COL9A2: variants seen among roughly 807,000 people sequenced by gnomAD.
COL9A2 encodes the protein collagen alpha-2(IX) chain.
In COL9A2, 66 loss-of-function variants were observed where a neutral mutation model predicts 111.6. The observed-to-expected ratio is 0.59, with a 90% CI of 0.48 to 0.73. The LOEUF is 0.73. COL9A2 is among the 30% of genes least tolerant of loss of function. COL9A2 has a pLI of 0.00. For missense variants in COL9A2, 881 were observed against 954.1 expected (o/e 0.92, Z 1.01); for synonymous variants, 353 against 364.1 (o/e 0.97, Z 0.35).
At position 40,310,867 on chromosome 1, in the gene COL9A2, G is replaced by C. The variant is rs1267910057; in HGVS notation, c.631-100C>G. ...CTCTTTTCCCCAGCACAAGCAGACG[G>C]GAGGGACTACTACGAACCCTACAGT... On this transcript the variant is annotated intron_variant, in intron 12 of 31. Transcript: ENST00000372748. This position sits in a 1 kb window ranked among gnomAD's most constrained non-coding sequence, Gnocchi z 4.9. 8.9e-7 allele frequency: 1 copy of C among 1,124,170 alleles called. No individual in the cohort carries two copies. The highest frequency in any genetic ancestry group is 1.5e-5 in the African/African-American group (1 of 64,710). 69.6% of individuals were successfully genotyped at this position (1,124,170 alleles called of 1,614,324 possible).
chr1:40,301,716 G>T, intron 31 of COL9A2, 96 bp downstream of exon 31: 2 of 1,199,654 alleles, frequency 1.7e-6, no homozygotes, highest in South Asian at 1.3e-5. Flanking sequence ...TGAGCTGGCT[G>T]AGCGTGAGGC....
Position 40,310,866 on chromosome 1 carries a change from G to C in COL9A2, c.631-99C>G, listed in dbSNP as rs1472828418. 8.9e-7 allele frequency: 1 copy of C among 1,120,616 alleles called. No individual in the cohort carries two copies. Among genetic ancestry groups the C allele is most frequent in the Non-Finnish European group, 1.3e-6 (1 of 756,778 alleles). The allele number at this position is 1,120,616 out of a possible 1,614,324, so 69.4% of individuals were successfully genotyped here. On this transcript the variant is annotated intron_variant, in intron 12 of 31. Transcript: ENST00000372748. The surrounding 1 kb of genome is among the most constrained non-coding windows in gnomAD (Gnocchi z 4.9). ...CCTCTTTTCCCCAGCACAAGCAGACGGGAGGGACTACTACGAACCCTACAG... is the reference window on the plus strand; with the variant it reads ...CCTCTTTTCCCCAGCACAAGCAGACCGGAGGGACTACTACGAACCCTACAG...
rs993802046 is a variant in COL9A2, at chr1:40,314,036, G to A, written c.249+169C>T. Among the ~76,000 whole-genome samples the A allele has an allele frequency of 6.6e-6, 1 of 152,210 alleles. No homozygotes were observed. The highest frequency in any genetic ancestry group is 1.5e-5 in the Non-Finnish European group (1 of 68,038). The stretch of plus-strand genomic sequence containing the variant: ...TGCAAATCAATGACCCTGGGTGAGA[G>A]TGAGGTTCCAGGAAGGTCACAAGTC... On this transcript the variant is annotated intron_variant, in intron 4 of 31. Transcript: ENST00000372748. This position sits in a 1 kb window ranked among gnomAD's most constrained non-coding sequence, Gnocchi z 4.1.
chr1:40,305,878 G>A, intron 20 of COL9A2, 110 bp from the exon 21 acceptor site: 1 of 981,524 alleles, frequency 1.0e-6, no homozygotes, highest in Non-Finnish European at 1.6e-6. Flanking sequence ...GCTGGGACGG[G>A]GGAGAGGGTA....
In COL9A2 at chr1:40,310,346, G is replaced by T; in HGVS notation, c.685-29C>A. On this transcript the variant is annotated intron_variant, in intron 13 of 31. Transcript: ENST00000372748. The surrounding 1 kb of genome is among the most constrained non-coding windows in gnomAD (Gnocchi z 4.9). ...TTGAGAAAGAAAAATGACAGCAATGGCAATTGCAAGGCCCACTTCATGATA... is the reference window on the plus strand; with the variant it reads ...TTGAGAAAGAAAAATGACAGCAATGTCAATTGCAAGGCCCACTTCATGATA... The T allele has an allele frequency of 6.2e-7, 1 of 1,610,984 alleles. No individual in the cohort carries two copies. Among genetic ancestry groups the T allele is most frequent in the Non-Finnish European group, 8.5e-7 (1 of 1,177,562 alleles).
At position 40,311,703 on chromosome 1, in the gene COL9A2, G is replaced by T. The variant is rs1395642584; in HGVS notation, c.430C>A (p.Pro144Thr). The T allele has an allele frequency of 6.2e-7, 1 of 1,613,940 alleles. No individual in the cohort carries two copies. Reference protein sequence around the residue: ...GIRGPKGDPGPDGPSGPPGPP... With the variant: ...GIRGPKGDPGTDGPSGPPGPP... ...CCTGGGGGCCCCGATGGTCCATCTG[G>T]TCCAGGGTCCCCCTGGAAGCAAAAG... The change falls in exon 9 of 32, where the codon CCA (proline) becomes ACA (threonine). Residue 144 changes from proline to threonine, a missense_variant. Coordinates refer to ENST00000372748, the MANE Select transcript of COL9A2 (RefSeq NM_001852.4). This position sits in a 1 kb window ranked among gnomAD's most constrained non-coding sequence, Gnocchi z 5.1.
Position 40,305,758 on chromosome 1 carries a change from C to A in COL9A2, c.1064G>T (p.Gly355Val), listed in dbSNP as rs763541825. 5.0e-6 allele frequency: 8 copies of A among 1,614,130 alleles called. No individual in the cohort carries two copies. The highest frequency in any genetic ancestry group is 6.8e-6 in the Non-Finnish European group (8 of 1,180,016). The change falls in exon 21 of 32, where the codon GGC becomes GTC. Residue 355 changes from glycine to valine, a missense_variant. By Grantham distance (109) the Gly-to-Val change is moderately radical. Transcript: ENST00000372748. ...AGAGAATCCAGGAAGGCCCTGCGGG[C>A]CCGGCTCACCCTGCAGGAAAACAGT... Reference protein sequence around the residue: ...KGGPGDQGEPGPQGLPGFSGP... With the variant: ...KGGPGDQGEPVPQGLPGFSGP...
In COL9A2 at chr1:40,307,056, G is replaced by A. The variant is rs1042615076; in HGVS notation, c.1008+390C>T. On this transcript the variant is annotated intron_variant, in intron 19 of 31. Coordinates refer to ENST00000372748, the MANE Select transcript of COL9A2 (RefSeq NM_001852.4). The surrounding 1 kb of genome is among the most constrained non-coding windows in gnomAD (Gnocchi z 4.8). ...GACGGGGTGTCACCACATTGGCCAGGCTGGTTTTGAACTCCTGACCTCAAG... is the reference window on the plus strand; with the variant it reads ...GACGGGGTGTCACCACATTGGCCAGACTGGTTTTGAACTCCTGACCTCAAG... 6.6e-6 allele frequency among the ~76,000 whole-genome samples: 1 copy of A among 152,082 alleles called. No individual in the cohort carries two copies. Among genetic ancestry groups the A allele is most frequent in the Admixed American group, 6.5e-5 (1 of 15,282 alleles).
intron 21 of COL9A2, 49 bp downstream of exon 21, chr1:40,305,666 G>C (rs1290450018): frequency 6.4e-7 from 1 of 1,562,796 alleles, no homozygotes; most frequent in South Asian, 1.1e-5. Context: ...TCCACCCCAT[G>C]GCCTCACCCT....
rs2124041249 is a variant in COL9A2 at position 40,302,785 on chromosome 1, C to T, written c.1628G>A (p.Ser543Asn). Reference sequence around the variant, plus strand: ...CGCACCCAGGGCTTCCCGCTTGGCACTCACGGCGACCTCTGCCAGTTGCTC... The same window carrying T: ...CGCACCCAGGGCTTCCCGCTTGGCATTCACGGCGACCTCTGCCAGTTGCTC... Reference protein sequence around the residue: ...LQEQLAEVAVSAKREALGAVG... With the variant: ...LQEQLAEVAVNAKREALGAVG... Residue 543 changes from serine to asparagine, a missense_variant, in exon 30 of 32, where the codon AGT becomes AAT. Transcript: ENST00000372748. This position sits in a 1 kb window ranked among gnomAD's most constrained non-coding sequence, Gnocchi z 4.5. The T allele has an allele frequency of 4.6e-6, 7 of 1,522,738 alleles. No homozygotes were observed. Among genetic ancestry groups the T allele is most frequent in the Non-Finnish European group, 4.4e-6 (5 of 1,129,778 alleles). The allele number at this position is 1,522,738 out of a possible 1,614,324, so 94.3% of individuals were successfully genotyped here.
chr1:40,308,244 C>T lies in COL9A2; in HGVS notation c.848G>A (p.Gly283Asp), dbSNP rs2124074821. The T allele has an allele frequency of 6.2e-7, 1 of 1,613,880 alleles. No individual in the cohort carries two copies. The highest frequency in any genetic ancestry group is 8.5e-7 in the Non-Finnish European group (1 of 1,179,916). ...PGRAGEKGDE[G>D]SPGIRGPQGI... ...CTGGGGTCCACGAATACCTGGGCTG[C>T]CCTGCAAAGCGGAGAGAGATCAGGT... The change falls in exon 17 of 32, where the codon GGC becomes GAC. Residue 283 changes from glycine to aspartate, a missense_variant and splice_region_variant. Physicochemically the swap from Gly to Asp is moderately conservative, Grantham distance 94. Coordinates refer to ENST00000372748, the MANE Select transcript of COL9A2 (RefSeq NM_001852.4).
chr1:40,305,876 G>A (rs772029994), intron 20 of COL9A2, 108 bp from the exon 21 acceptor site: 52 of 980,170 alleles, frequency 5.3e-5, no homozygotes, highest in African/African-American at 6.4e-5. Flanking sequence ...GAGCTGGGAC[G>A]GGGGAGAGGG....
rs1302665281 is a variant in COL9A2 at position 40,314,041 on chromosome 1, G to C, written c.249+164C>G. On this transcript the variant is annotated intron_variant, in intron 4 of 31. Coordinates refer to ENST00000372748, the MANE Select transcript of COL9A2 (RefSeq NM_001852.4). This position sits in a 1 kb window ranked among gnomAD's most constrained non-coding sequence, Gnocchi z 4.1. ...ATCAATGACCCTGGGTGAGAGTGAG[G>C]TTCCAGGAAGGTCACAAGTCATATC... Among the ~76,000 whole-genome samples, 9 of 152,180 alleles carry C rather than the reference G, an allele frequency of 5.9e-5. No individual in the cohort carries two copies. The highest frequency in any genetic ancestry group is 4.6e-4 in the Admixed American group (7 of 15,284).
Position 40,300,956 on chromosome 1 carries a change from C to G in COL9A2, c.*226G>C. On this transcript the variant is annotated 3_prime_UTR_variant, in exon 32 of 32. Transcript: ENST00000372748. This position sits in a 1 kb window ranked among gnomAD's most constrained non-coding sequence, Gnocchi z 4.4. ...GCCCTATTCCTTCAGCGCTTCGACT[C>G]CATCGACACCACTTGCCCTGTGTGT... 1.8e-6 allele frequency: 1 copy of G among 552,782 alleles called. No individual in the cohort carries two copies. The highest frequency in any genetic ancestry group is 3.2e-6 in the Non-Finnish European group (1 of 308,732). 34.2% of individuals were successfully genotyped at this position (552,782 alleles called of 1,614,324 possible). A position where few individuals can be genotyped will look rare whatever the true frequency, so the allele number is the denominator to read the frequency against.
Position 40,301,817 on chromosome 1 carries a change from A to T in COL9A2, c.1865T>A (p.Ile622Asn). The T allele has an allele frequency of 6.2e-7, 1 of 1,614,062 alleles. No homozygotes were observed. The highest frequency in any genetic ancestry group is 2.2e-5 in the East Asian group (1 of 44,876). ...GGGCAGGGCCAATGGCTTACCTGGG[A>T]TCCCTGGGGGCCCAGGCATCCCGGG... ...GHPGMPGPPG[I>N]PGLPGRPGQA... Residue 622 changes from isoleucine (I) to asparagine (N), a missense_variant, in exon 31 of 32, where the codon ATC becomes AAC. Physicochemically the swap from Ile to Asn is moderately radical, Grantham distance 149. Coordinates refer to ENST00000372748, the MANE Select transcript of COL9A2 (RefSeq NM_001852.4).
chr1:40,304,098 C>A lies in COL9A2; in HGVS notation c.1289G>T (p.Gly430Val), dbSNP rs771050195. The A allele has an allele frequency of 1.3e-6, 2 of 1,561,708 alleles. No individual in the cohort carries two copies. Among genetic ancestry groups the A allele is most frequent in the African/African-American group, 1.3e-5 (1 of 74,182 alleles). ...GCGGGGCCCGGTCTTCCCTGGGGAG[C>A]CCTGGAGAAAGCGGGCAGTGAGGGG... ...QGLPGVKGDK[G>V]SPGKTGPRGK... The change falls in exon 25 of 32, where the codon GGC becomes GTC. Residue 430 changes from glycine to valine, a missense_variant and splice_region_variant. Physicochemically the swap from Gly to Val is moderately radical, Grantham distance 109. Coordinates refer to ENST00000372748, the MANE Select transcript of COL9A2 (RefSeq NM_001852.4).
At chr1:40,301,509 A>T in intron 31 of COL9A2, 128 bp from the exon 32 acceptor site, 1 of 783,354 alleles carries the variant, frequency 1.3e-6, no homozygotes, top group Non-Finnish European at 2.0e-6. Context: ...ACTCTGCCCC[A>T]GAGGCAGAGA....
rs868251769 is a variant in COL9A2, at chr1:40,311,719, G to A, written c.418-4C>T. ...GTCCATCTGGTCCAGGGTCCCCCTG[G>A]AAGCAAAAGAAGCCCAAATCATACC... On this transcript the variant is annotated splice_polypyrimidine_tract_variant and splice_region_variant and intron_variant, in intron 8 of 31. Transcript: ENST00000372748. The surrounding 1 kb of genome is among the most constrained non-coding windows in gnomAD (Gnocchi z 5.1). The A allele has an allele frequency of 6.2e-7, 1 of 1,613,788 alleles. No individual in the cohort carries two copies. Among genetic ancestry groups the A allele is most frequent in the South Asian group, 1.1e-5 (1 of 91,072 alleles).
chr1:40,311,655 CACTT>C lies in COL9A2; in HGVS notation c.471+3_471+6del, dbSNP rs2124091106. 5.0e-6 allele frequency: 8 copies of C among 1,613,932 alleles called. No individual in the cohort carries two copies. Among genetic ancestry groups the C allele is most frequent in the Non-Finnish European group, 5.1e-6 (6 of 1,179,842 alleles). On this transcript the variant is annotated splice_donor_5th_base_variant and intron_variant, in intron 9 of 31. Coordinates refer to ENST00000372748, the MANE Select transcript of COL9A2 (RefSeq NM_001852.4). The surrounding 1 kb of genome is among the most constrained non-coding windows in gnomAD (Gnocchi z 5.1). ...CTTTGCCATGTCGGGGGTCTGGGGA[CACTT>C]ACAGGTTTCCCAGGGGGTCCTGGGG...
Sources: gnomAD v4.1 joint callset for allele counts (sites outside exome capture counted in the v4.1 genomes callset) on GRCh38, gnomAD v4.1.1 for gene constraint, Gnocchi (gnomAD v3.1) non-coding constraint, MANE v1.5 for transcripts, NCBI Gene and HGNC (gene_info 2026-07-23, HGNC 2026-07-21) for gene names.